SLC37A1: variants seen among roughly 807,000 people sequenced by gnomAD.
SLC37A1 encodes glucose-6-phosphate exchanger SLC37A1.
SLC37A1 carries 49 observed loss-of-function variants against 75.3 expected under a neutral mutation model. The observed-to-expected ratio is 0.65, with a 90% CI of 0.52 to 0.83. The LOEUF is 0.83. SLC37A1 is among the 40% of genes least tolerant of loss of function. The pLI is 0.00. For missense variants in SLC37A1, 566 were observed against 695.0 expected (o/e 0.81, Z 2.09); for synonymous variants, 268 against 292.1 (o/e 0.92, Z 0.84).
intron 10 of SLC37A1, among the ~76,000 whole-genome samples, chr21:42,555,346 C>T (rs1371401532): frequency 3.3e-5 from 5 of 152,128 alleles, no homozygotes; most frequent in Non-Finnish European, 2.9e-5. Context: ...TCAGAAAGAC[C>T]CCTCCAGCAT....
Position 42,524,665 on chromosome 21 carries a change from G to A in SLC37A1, c.57-1111G>A, listed in dbSNP as rs370866006. ...TTTGTTGTAAACTAAACATTTCATC[G>A]TGCTTGTTCTGCTTTGTAAACTCAA... On this transcript the variant is annotated intron_variant, in intron 2 of 19. Coordinates refer to ENST00000352133, the MANE Select transcript of SLC37A1 (RefSeq NM_001320537.2). Among the ~76,000 whole-genome samples the A allele has an allele frequency of 3.1e-4, 47 of 152,344 alleles. 1 individual carries two copies. In the South Asian group the frequency reaches 8.7e-3, roughly 28 times the overall value.
intron 3 of SLC37A1, among the ~76,000 whole-genome samples, chr21:42,534,115 TC>T (rs1333792256): frequency 6.6e-6 from 1 of 152,114 alleles, no homozygotes. Flanking sequence ...TCCCACATTG[TC>T]CCCCTTTAGG....
chr21:42,549,209 T>G (rs2055496772), intron 9 of SLC37A1, among the ~76,000 whole-genome samples: 1 of 152,176 alleles, frequency 6.6e-6, no homozygotes, highest in Non-Finnish European at 1.5e-5. Flanking sequence ...CCTTCTGTCC[T>G]CTAAGAAGAG....
rs2055517370 is a variant in SLC37A1 at position 42,549,987 on chromosome 21, C to T, written c.768+2847C>T. On this transcript the variant is annotated intron_variant, in intron 9 of 19. Coordinates refer to ENST00000352133, the MANE Select transcript of SLC37A1 (RefSeq NM_001320537.2). ...CTATCAACGCCCCTTCTAATACTATCCCTTCCCACCTCCTGCTGATGTATT... is the reference window on the plus strand; with the variant it reads ...CTATCAACGCCCCTTCTAATACTATTCCTTCCCACCTCCTGCTGATGTATT... 4.6e-5 allele frequency among the ~76,000 whole-genome samples: 7 copies of T among 152,222 alleles called. No individual in the cohort carries two copies. The South Asian group carries it at 1.4e-3, about 32-fold the overall frequency.
chr21:42,551,796 A>G (rs1488438048), intron 9 of SLC37A1, among the ~76,000 whole-genome samples: 2 of 150,502 alleles, frequency 1.3e-5, no homozygotes, highest in Non-Finnish European at 2.9e-5. Flanking sequence ...TAGGACCTCA[A>G]TGGTTTTTTT....
intron 10 of SLC37A1, among the ~76,000 whole-genome samples, chr21:42,556,575 T>C (rs1334455872): frequency 6.6e-6 from 1 of 152,218 alleles, no homozygotes; most frequent in Admixed American, 6.5e-5. Flanking sequence ...AACCCTTTTC[T>C]CTTTGAAAGT....
intron 1 of SLC37A1, among the ~76,000 whole-genome samples, 184 bp from the exon 2 acceptor site, chr21:42,518,093 A>C (rs140043587): frequency 2.0e-5 from 3 of 152,206 alleles, no homozygotes; most frequent in Admixed American, 6.5e-5. Flanking sequence ...TCAAGGGTAG[A>C]TACTCCACCT....
chr21:42,573,805 G>A (rs917979337), intron 17 of SLC37A1, among the ~76,000 whole-genome samples: 1 of 152,044 alleles, frequency 6.6e-6, no homozygotes, highest in Admixed American at 6.5e-5. Flanking sequence ...CATCCTACAT[G>A]TGTATCAGAA....
intron 2 of SLC37A1, among the ~76,000 whole-genome samples, chr21:42,523,996 C>T (rs1414861477): frequency 6.6e-6 from 1 of 151,914 alleles, no homozygotes; most frequent in Admixed American, 6.6e-5. Flanking sequence ...ATTTTAGTTA[C>T]TTGTGGAAAG....
intron 2 of SLC37A1, among the ~76,000 whole-genome samples, chr21:42,505,914 G>T (rs1049387678): frequency 1.3e-5 from 2 of 152,178 alleles, no homozygotes; most frequent in African/African-American, 4.8e-5. Flanking sequence ...CTTTGTAATA[G>T]GGACAGTGTC....
chr21:42,563,039 G>C (rs1345759899), intron 12 of SLC37A1, among the ~76,000 whole-genome samples: 1 of 152,106 alleles, frequency 6.6e-6, no homozygotes, highest in Non-Finnish European at 1.5e-5. Flanking sequence ...GGCGGTCTGG[G>C]GACTGTCCCA....
intron 12 of SLC37A1, among the ~76,000 whole-genome samples, chr21:42,562,843 AAGG>A (rs1326767057): frequency 6.6e-6 from 1 of 152,080 alleles, no homozygotes; most frequent in African/African-American, 2.4e-5. Flanking sequence ...GAGCGAGAGG[AAGG>A]AGAAGACACA....
chr21:42,572,544 A>G (rs1569044596), intron 17 of SLC37A1, among the ~76,000 whole-genome samples: 2 of 151,612 alleles, frequency 1.3e-5, no homozygotes, highest in African/African-American at 2.4e-5. Context: ...CCAACTTTGT[A>G]TCGACCATTT....
chr21:42,531,318 G>A (rs1440807706), intron 3 of SLC37A1, among the ~76,000 whole-genome samples: 2 of 29,318 alleles, frequency 6.8e-5, no homozygotes, highest in African/African-American at 2.8e-4. Context: ...CCCTCCACCC[G>A]CGATGGCATC....
chr21:42,569,300 T>G (rs994097948), intron 17 of SLC37A1, among the ~76,000 whole-genome samples: 1 of 152,222 alleles, frequency 6.6e-6, no homozygotes, highest in African/African-American at 2.4e-5. Flanking sequence ...GCCCCTGGCC[T>G]TGGTGCCAGC....
At chr21:42,551,217 A>G (rs1257007039) in intron 9 of SLC37A1, among the ~76,000 whole-genome samples, 1 of 152,278 alleles carries the variant, frequency 6.6e-6, no homozygotes, top group Non-Finnish European at 1.5e-5. Flanking sequence ...GCAAGGTTGC[A>G]GAAAACAAGA....
intron 3 of SLC37A1, among the ~76,000 whole-genome samples, chr21:42,528,162 A>G (rs2839542): frequency 0.094 from 14,386 of 152,280 alleles, 757 homozygotes; most frequent in Middle Eastern, 0.16. Context: ...TAAGTTAGTT[A>G]AATGGAATGT....
intron 11 of SLC37A1, 125 bp downstream of exon 11, chr21:42,559,214 T>C: frequency 8.2e-7 from 1 of 1,217,008 alleles, no homozygotes; most frequent in Non-Finnish European, 1.1e-6. Flanking sequence ...TTCGAATCCA[T>C]AGCCAAAGCT....
intron 14 of SLC37A1, among the ~76,000 whole-genome samples, chr21:42,565,175 G>A (rs2055944280): frequency 1.3e-5 from 2 of 152,254 alleles, no homozygotes; most frequent in African/African-American, 4.8e-5. Flanking sequence ...CGTAGCTCCT[G>A]ACCTTGGGCT....
Sources: gnomAD v4.1 joint callset for allele counts (sites outside exome capture counted in the v4.1 genomes callset) on GRCh38, gnomAD v4.1.1 for gene constraint, MANE v1.5 for transcripts, NCBI Gene and HGNC (gene_info 2026-07-23, HGNC 2026-07-21) for gene names.